GPR158: variants seen among roughly 807,000 people sequenced by gnomAD.
GPR158 encodes the protein G protein-coupled receptor 158.
A neutral mutation model predicts 78.2 loss-of-function variants in GPR158; 30 were observed. The ratio of observed to expected loss-of-function variants is 0.38; its 90% CI spans 0.29 to 0.52. The LOEUF is 0.52. GPR158 is among the 20% of genes least tolerant of loss of function. The probability of loss-of-function intolerance (pLI) is 0.83; values close to 1 mark genes in which losing one functional copy is unlikely to be tolerated. For synonymous variants in GPR158, 581 were observed against 591.1 expected (o/e 0.98, Z 0.25); for missense variants, 1,463 against 1,523.5 (o/e 0.96, Z 0.66).
intron 2 of GPR158, among the ~76,000 whole-genome samples, chr10:25,221,751 G>A (rs1166268004): frequency 6.6e-6 from 1 of 152,140 alleles, no homozygotes; most frequent in Admixed American, 6.5e-5. Flanking sequence ...ACTATCACTT[G>A]TCTTTTGTAG....
At chr10:25,548,187 T>C (rs1464609610) in intron 5 of GPR158, among the ~76,000 whole-genome samples, 2 of 152,194 alleles carry the variant, frequency 1.3e-5, no homozygotes, top group Admixed American at 6.6e-5. Flanking sequence ...TTTTAGTTTG[T>C]AAGCACACAG....
chr10:25,242,978 G>T (rs1004053901), intron 2 of GPR158, among the ~76,000 whole-genome samples: 15 of 152,236 alleles, frequency 9.9e-5, no homozygotes, highest in African/African-American at 3.1e-4. Flanking sequence ...GAATTTGCAG[G>T]CCTGGTAACA....
intron 5 of GPR158, among the ~76,000 whole-genome samples, chr10:25,483,861 A>G (rs1231193567): frequency 6.6e-6 from 1 of 152,154 alleles, no homozygotes; most frequent in Admixed American, 6.5e-5. Flanking sequence ...TTCAAGACCA[A>G]GACCACGTCT....
intron 2 of GPR158, among the ~76,000 whole-genome samples, chr10:25,245,370 C>A (rs1564400761): frequency 6.6e-6 from 1 of 151,980 alleles, no homozygotes; most frequent in Non-Finnish European, 1.5e-5. Flanking sequence ...ATGATTATTT[C>A]TTTTTATTAA....
At chr10:25,368,459 A>G (rs1026667284) in intron 2 of GPR158, among the ~76,000 whole-genome samples, 3 of 151,916 alleles carry the variant, frequency 2.0e-5, no homozygotes, top group African/African-American at 7.2e-5. Flanking sequence ...GAAGACATAC[A>G]TATGGCCAAT....
intron 6 of GPR158, among the ~76,000 whole-genome samples, chr10:25,559,852 T>C (rs1257249118): frequency 6.6e-6 from 1 of 152,216 alleles, no homozygotes; most frequent in East Asian, 1.9e-4. Flanking sequence ...CACTAAAAAG[T>C]AGATGAGGCC....
At chr10:25,273,765 G>A (rs746184527) in intron 2 of GPR158, among the ~76,000 whole-genome samples, 1 of 151,688 alleles carries the variant, frequency 6.6e-6, no homozygotes, top group Admixed American at 6.6e-5. Context: ...CTGAAGCCTC[G>A]ACCTCCCAGG....
intron 3 of GPR158, among the ~76,000 whole-genome samples, chr10:25,408,636 C>T (rs1471349584): frequency 2.0e-5 from 3 of 152,184 alleles, no homozygotes; most frequent in African/African-American, 4.8e-5. Flanking sequence ...AGTTCATACT[C>T]GAGTGAACTC....
chr10:25,250,399 G>C (rs969313322), intron 2 of GPR158, among the ~76,000 whole-genome samples: 10 of 145,040 alleles, frequency 6.9e-5, no homozygotes, highest in Non-Finnish European at 1.5e-4. Flanking sequence ...TTTTAATTGT[G>C]ATGTTCGGGT....
intron 1 of GPR158, among the ~76,000 whole-genome samples, chr10:25,187,421 A>G (rs1472123740): frequency 1.3e-5 from 2 of 152,150 alleles, no homozygotes; most frequent in Admixed American, 1.3e-4. Context: ...GCACATCAAA[A>G]AGCTTATCCA....
intron 2 of GPR158, among the ~76,000 whole-genome samples, chr10:25,294,082 C>T (rs1159711913): frequency 6.6e-6 from 1 of 152,118 alleles, no homozygotes; most frequent in African/African-American, 2.4e-5. Context: ...TGCAGGTTTA[C>T]TTACAAATAA....
At chr10:25,406,788 T>G (rs1273522131) in intron 3 of GPR158, among the ~76,000 whole-genome samples, 2 of 152,222 alleles carry the variant, frequency 1.3e-5, no homozygotes, top group Non-Finnish European at 2.9e-5. Context: ...TTCCATCTTA[T>G]GACAATGTGA....
chr10:25,429,657 C>A (rs560011579), intron 4 of GPR158, among the ~76,000 whole-genome samples: 1,609 of 151,504 alleles, frequency 0.011, 19 homozygotes, highest in African/African-American at 0.029. Context: ...AAAAGCTTAT[C>A]CACCATGATC....
chr10:25,426,171 T>C (rs1834817979), intron 4 of GPR158, among the ~76,000 whole-genome samples: 1 of 152,140 alleles, frequency 6.6e-6, no homozygotes, highest in Admixed American at 6.6e-5. Flanking sequence ...CTTCATCGAA[T>C]TGAAGGGAGT....
chr10:25,261,696 T>C (rs1206977109), intron 2 of GPR158, among the ~76,000 whole-genome samples: 1 of 152,182 alleles, frequency 6.6e-6, no homozygotes, highest in East Asian at 1.9e-4. Flanking sequence ...TTTTGAGTAA[T>C]GCATATTTGC....
chr10:25,403,406 C>T (rs879379752), intron 3 of GPR158, among the ~76,000 whole-genome samples: 1 of 151,980 alleles, frequency 6.6e-6, no homozygotes, highest in Non-Finnish European at 1.5e-5. Context: ...CAATGTCCTT[C>T]TTTATGTTTT....
At chr10:25,544,829 T>G (rs1855673) in intron 5 of GPR158, among the ~76,000 whole-genome samples, 84,516 of 152,002 alleles carry the variant, frequency 0.56, 26,085 homozygotes, top group African/African-American at 0.83. Flanking sequence ...ATCTACATTA[T>G]GTATTTCTCC....
At chr10:25,397,640 G>A (rs928817602) in intron 3 of GPR158, among the ~76,000 whole-genome samples, 1 of 152,098 alleles carries the variant, frequency 6.6e-6, no homozygotes, top group Non-Finnish European at 1.5e-5. Context: ...TTAACTTGTA[G>A]GTTCTGGAGG....
intron 2 of GPR158, among the ~76,000 whole-genome samples, chr10:25,300,353 A>T (rs1433098946): frequency 1.3e-5 from 2 of 151,824 alleles, no homozygotes; most frequent in Admixed American, 1.3e-4. Context: ...TCTCCAGTTG[A>T]CTCTCTTCTG....
Sources: gnomAD v4.1 joint callset for allele counts (sites outside exome capture counted in the v4.1 genomes callset) on GRCh38, gnomAD v4.1.1 for gene constraint, MANE v1.5 for transcripts, NCBI Gene and HGNC (gene_info 2026-07-23, HGNC 2026-07-21) for gene names.